Variants in OTUD5 observed in about 807,000 individuals in gnomAD.
The protein encoded by OTUD5 is OTU deubiquitinase 5.
Under a neutral mutation model 36.3 loss-of-function variants are expected in OTUD5, and 2 were observed. The observed-to-expected ratio is 0.06, with a 90% confidence interval of 0.02 to 0.17. The LOEUF is 0.17. Among genes scored for constraint, OTUD5 ranks in the 10% least tolerant of loss-of-function variants. The pLI is 1.00. For synonymous variants in OTUD5, 234 were observed against 214.9 expected (o/e 1.09, Z -0.78); for missense variants, 233 against 512.3 (o/e 0.45, Z 5.26).
chrX:48,935,231 T>G (rs782786003), intron 2 of OTUD5, among the ~76,000 whole-genome samples: 1 of 111,733 alleles, frequency 8.9e-6, no homozygotes, highest in East Asian at 2.8e-4. Flanking sequence ...AGAGTGCAGG[T>G]GAGAGGAACA....
intron 5 of OTUD5, among the ~76,000 whole-genome samples, chrX:48,932,227 A>T (rs782291468): frequency 4.6e-5 from 5 of 109,831 alleles, no homozygotes; most frequent in South Asian, 3.8e-4. Flanking sequence ...TGGGAAGAGA[A>T]GGATATGTGG....
intron 1 of OTUD5, among the ~76,000 whole-genome samples, chrX:48,954,261 T>C (rs1296357646): frequency 1.8e-5 from 2 of 110,756 alleles, no homozygotes; most frequent in Non-Finnish European, 3.8e-5. Context: ...ATGCCCGGCT[T>C]ACTCTTATGT....
intron 1 of OTUD5, among the ~76,000 whole-genome samples, chrX:48,956,582 G>A (rs931763197): frequency 2.7e-5 from 3 of 111,282 alleles, no homozygotes; most frequent in African/African-American, 9.8e-5. Context: ...TTCTATCCCA[G>A]AGGAAAAGAG....
intron 6 of OTUD5, 122 bp downstream of exon 6, chrX:48,925,725 G>GTGCTGGA (rs2063656446): frequency 1.9e-6 from 1 of 535,671 alleles, no homozygotes. Flanking sequence ...GTTACAGATG[G>GTGCTGGA]TGCTGGATGC....
At chrX:48,933,614 C>T (rs1290400940) in intron 5 of OTUD5, among the ~76,000 whole-genome samples, 3 of 110,627 alleles carry the variant, frequency 2.7e-5, no homozygotes, top group African/African-American at 9.9e-5. Flanking sequence ...GACAGGGTTT[C>T]ACCATGTTAG....
chrX:48,942,155 C>T (rs868982403), intron 2 of OTUD5, among the ~76,000 whole-genome samples: 4 of 106,299 alleles, frequency 3.8e-5, no homozygotes, highest in African/African-American at 1.4e-4. Flanking sequence ...GCTCTTGATA[C>T]GAGTTACTAC....
intron 2 of OTUD5, chrX:48,936,041 G>C (rs1557049905): frequency 9.1e-6 from 1 of 109,773 alleles, no homozygotes; most frequent in African/African-American, 3.3e-5. Context: ...GCTTGGGACA[G>C]AGTAGCCACA....
intron 1 of OTUD5, among the ~76,000 whole-genome samples, chrX:48,954,963 C>T (rs2064210949): frequency 8.9e-6 from 1 of 111,748 alleles, no homozygotes; most frequent in Non-Finnish European, 1.9e-5. Context: ...GCATCCAGGT[C>T]CTTCTGTCCA....
chrX:48,924,289 A>G (rs1569513347), intron 6 of OTUD5, among the ~76,000 whole-genome samples: 1 of 111,158 alleles, frequency 9.0e-6, no homozygotes, highest in Non-Finnish European at 1.9e-5. Context: ...TGTTACCTCT[A>G]TCTTGAAAAT....
At chrX:48,932,373 G>A (rs1297787718) in intron 5 of OTUD5, among the ~76,000 whole-genome samples, 1 of 109,967 alleles carries the variant, frequency 9.1e-6, no homozygotes, top group Non-Finnish European at 1.9e-5. Flanking sequence ...CACCCAGGCT[G>A]CAGTGCAGGG....
At chrX:48,951,571 C>T (rs1307491198) in intron 1 of OTUD5, among the ~76,000 whole-genome samples, 2 of 110,118 alleles carry the variant, frequency 1.8e-5, no homozygotes, top group African/African-American at 3.3e-5. Flanking sequence ...GCCAAGATCG[C>T]GCCACTACAC....
intron 5 of OTUD5, among the ~76,000 whole-genome samples, chrX:48,931,448 T>C (rs1440284705): frequency 2.7e-5 from 3 of 112,291 alleles, no homozygotes; most frequent in African/African-American, 6.5e-5. Flanking sequence ...CTATCAAAGA[T>C]AAAGGGGCCT....
chrX:48,929,081 A>G (rs924061112), intron 5 of OTUD5, among the ~76,000 whole-genome samples: 1 of 111,287 alleles, frequency 9.0e-6, no homozygotes. Context: ...ACCTTAATAT[A>G]TGCTATTTAA....
chrX:48,947,489 G>A (rs1048490452), intron 1 of OTUD5, among the ~76,000 whole-genome samples: 2 of 110,195 alleles, frequency 1.8e-5, no homozygotes, highest in Non-Finnish European at 3.8e-5. Flanking sequence ...GATCACCTGA[G>A]GTCGGGAGTT....
chrX:48,925,337 A>G (rs1472017517), intron 6 of OTUD5, among the ~76,000 whole-genome samples: 1 of 105,441 alleles, frequency 9.5e-6, no homozygotes, highest in African/African-American at 3.5e-5. Flanking sequence ...ATCACTCCAA[A>G]CTCCTTGCGA....
At position 48,922,538 on chromosome X, in the gene OTUD5, T is replaced by C. The variant is rs1557046477; in HGVS notation, c.*636A>G. ...AGGCCAGAAGACAGCAACCCATATCTTTGCACCCTCCTCCATGCCCCATGG... is the reference window on the plus strand; with the variant it reads ...AGGCCAGAAGACAGCAACCCATATCCTTGCACCCTCCTCCATGCCCCATGG... On this transcript the variant is annotated 3_prime_UTR_variant, in exon 9 of 9. Coordinates refer to ENST00000376488, the MANE Select transcript of OTUD5 (RefSeq NM_001136157.2). The C allele has an allele frequency of 9.3e-6, 7 of 753,733 alleles. No individual in the cohort carries two copies. The South Asian group carries it at 3.4e-4, about 36-fold the overall frequency. 62.1% of individuals were successfully genotyped at this position (753,733 alleles called of 1,213,427 possible). A position where few individuals can be genotyped will look rare whatever the true frequency, so the allele number is the denominator to read the frequency against.
chrX:48,949,140 T>C (rs1357816816), intron 1 of OTUD5, among the ~76,000 whole-genome samples: 2 of 112,115 alleles, frequency 1.8e-5, no homozygotes, highest in Non-Finnish European at 3.8e-5. Context: ...GACCACTTAA[T>C]GAGTTCCCTT....
In OTUD5 at chrX:48,957,107, G is replaced by A; in HGVS notation, c.464C>T (p.Ala155Val). Residue 155 changes from alanine (A) to valine (V), a missense_variant, in exon 1 of 9, where the codon GCT becomes GTT. By Grantham distance (64) the Ala-to-Val change is moderately conservative. Around this residue, in one of 3 missense-constraint regions of OTUD5, gnomAD observed 155 missense variants for 217.2 expected, o/e 0.71. Transcript: ENST00000376488. ...CCCGCCAACCGCGCCAACCCCGGGA[G>A]CTTGACGTCGCCGCTTGCTGTGCCC... is the stretch of plus-strand genomic sequence containing the variant. The part of the protein sequence containing the change: ...GPGHSKRRRQ[A>V]PGVGAVGGGS... 1 of 1,173,745 alleles carries A rather than the reference G, an allele frequency of 8.5e-7. No homozygotes were observed. The highest frequency in any genetic ancestry group is 1.1e-6 in the Non-Finnish European group (1 of 879,971).
intron 5 of OTUD5, among the ~76,000 whole-genome samples, chrX:48,931,814 G>A (rs908821093): frequency 6.8e-5 from 7 of 103,158 alleles, no homozygotes; most frequent in Non-Finnish European, 1.4e-4. Context: ...ATGTTGGTTC[G>A]CACATTGTAA....
Sources: gnomAD v4.1 joint callset for allele counts (sites outside exome capture counted in the v4.1 genomes callset) on GRCh38, gnomAD v4.1.1 for gene constraint, gnomAD v4.1.1 regional missense constraint, MANE v1.5 for transcripts, NCBI Gene and HGNC (gene_info 2026-07-23, HGNC 2026-07-21) for gene names.